The following SLC39A11 variants were observed in gnomAD, a reference collection of about 807,000 sequenced individuals.
SLC39A11 encodes the protein solute carrier family 39 member 11, also known as zinc transporter ZIP11.
SLC39A11 carries 33 observed loss-of-function variants against 36.1 expected under a neutral mutation model. The observed-to-expected ratio is 0.91, with a 90% CI of 0.69 to 1.22. The LOEUF (loss-of-function observed/expected upper bound fraction) is 1.22, where lower values mean the gene tolerates loss of function less well. Ranked by LOEUF, SLC39A11 falls within the 50% of genes most tolerant of loss-of-function variation. SLC39A11 has a pLI of 0.00. For missense variants in SLC39A11, 432 were observed against 430.3 expected (o/e 1.00, Z -0.03); for synonymous variants, 166 against 170.3 (o/e 0.97, Z 0.20).
chr17:73,054,284 C>T (rs1398357329), intron 3 of SLC39A11, among the ~76,000 whole-genome samples: 1 of 151,932 alleles, frequency 6.6e-6, no homozygotes, highest in East Asian at 1.9e-4. Context: ...ATCTCTTGAA[C>T]CCGGGAGGCG....
chr17:72,969,035 C>T (rs988800238), intron 4 of SLC39A11, among the ~76,000 whole-genome samples: 6 of 151,920 alleles, frequency 3.9e-5, no homozygotes, highest in African/African-American at 9.7e-5. Context: ...CACGATGTCC[C>T]GTGTTCTGGA....
chr17:72,798,974 A>G (rs2076991975), intron 6 of SLC39A11, among the ~76,000 whole-genome samples: 2 of 152,044 alleles, frequency 1.3e-5, no homozygotes, highest in Admixed American at 6.5e-5. Flanking sequence ...AAGGCCAAAG[A>G]TAGGGAGAAG....
chr17:72,880,337 G>C (rs774017172), intron 5 of SLC39A11, among the ~76,000 whole-genome samples: 1 of 152,150 alleles, frequency 6.6e-6, no homozygotes, highest in South Asian at 2.1e-4. Flanking sequence ...GGGAGGTTGA[G>C]GCAGATGGAT....
At chr17:72,963,408 G>A (rs1185886501) in intron 4 of SLC39A11, among the ~76,000 whole-genome samples, 1 of 151,750 alleles carries the variant, frequency 6.6e-6, no homozygotes, top group Non-Finnish European at 1.5e-5. Flanking sequence ...CTGACCTCGT[G>A]ATCCGCCCAC....
intron 7 of SLC39A11, among the ~76,000 whole-genome samples, chr17:72,674,967 A>T (rs1446085615): frequency 1.4e-4 from 1 of 7,242 alleles, no homozygotes; most frequent in Non-Finnish European, 3.5e-4. Context: ...GTTCATTGGA[A>T]AAAAAAGTGT....
intron 3 of SLC39A11, among the ~76,000 whole-genome samples, chr17:73,083,015 CAAAAAAA>C (rs34607510): frequency 3.3e-5 from 3 of 89,784 alleles, no homozygotes; most frequent in African/African-American, 4.5e-5. Flanking sequence ...GACTCCATTT[CAAAAAAA>C]AAAAAAAAAA....
At chr17:72,969,307 G>A (rs1020260851) in intron 4 of SLC39A11, among the ~76,000 whole-genome samples, 7 of 152,104 alleles carry the variant, frequency 4.6e-5, no homozygotes, top group South Asian at 2.1e-4. Context: ...TGTAATGTGC[G>A]GAGGGAGAAC....
At chr17:73,078,875 A>T (rs1026386625) in intron 3 of SLC39A11, among the ~76,000 whole-genome samples, 1 of 152,150 alleles carries the variant, frequency 6.6e-6, no homozygotes, top group African/African-American at 2.4e-5. Flanking sequence ...ATCCACTTAA[A>T]AACAGAATAC....
chr17:72,897,689 C>T (rs545909618), intron 5 of SLC39A11, among the ~76,000 whole-genome samples: 3 of 152,284 alleles, frequency 2.0e-5, no homozygotes, highest in South Asian at 2.1e-4. Flanking sequence ...GGTTTTTAGC[C>T]TCTTCCTTTT....
intron 4 of SLC39A11, among the ~76,000 whole-genome samples, chr17:72,988,445 A>G (rs2088924195): frequency 6.6e-6 from 1 of 152,236 alleles, no homozygotes; most frequent in Non-Finnish European, 1.5e-5. Context: ...TAGGTGACAG[A>G]GCGAGAACTT....
At chr17:72,818,871 T>C (rs979009375) in intron 6 of SLC39A11, 2 of 152,244 alleles carry the variant, frequency 1.3e-5, no homozygotes, top group Non-Finnish European at 2.9e-5. Context: ...CCTTTTTATT[T>C]GTACAGTGTG....
chr17:72,917,423 A>G (rs922783710), intron 5 of SLC39A11, among the ~76,000 whole-genome samples: 14 of 152,314 alleles, frequency 9.2e-5, no homozygotes, highest in East Asian at 3.9e-4. Context: ...CGAGTTGGGG[A>G]AAATCACTAG....
At chr17:73,091,880 T>C (rs1289706319) in intron 1 of SLC39A11, 1 of 152,392 alleles carries the variant, frequency 6.6e-6, no homozygotes, top group East Asian at 1.9e-4. Flanking sequence ...GTTTTCTTTA[T>C]TTCCTTTCTC....
chr17:72,917,996 CA>C (rs2147209570), intron 5 of SLC39A11, among the ~76,000 whole-genome samples: 2 of 152,318 alleles, frequency 1.3e-5, no homozygotes, highest in South Asian at 4.1e-4. Flanking sequence ...TGTTACCTGC[CA>C]GGGGCAGAAC....
At position 72,692,301 on chromosome 17, in the gene SLC39A11, G is replaced by A. The variant is rs116792381; in HGVS notation, c.672-43033C>T. Among the ~76,000 whole-genome samples, 1,160 of 152,302 alleles carry A rather than the reference G, an allele frequency of 7.6e-3. 13 individuals are homozygous for A. Among genetic ancestry groups the A allele is most frequent in the African/African-American group, 0.026 (1,101 of 41,562 alleles). On this transcript the variant is annotated intron_variant, in intron 7 of 9. Transcript: ENST00000255559. Reference sequence around the variant, plus strand: ...GCTCAGATTACAGGCGTGGGCTACCGCGCCCGACCAAAATAGCGCATTTTT... The same window carrying A: ...GCTCAGATTACAGGCGTGGGCTACCACGCCCGACCAAAATAGCGCATTTTT...
intron 6 of SLC39A11, among the ~76,000 whole-genome samples, chr17:72,737,562 C>T (rs985410106): frequency 4.6e-5 from 7 of 152,190 alleles, no homozygotes; most frequent in Admixed American, 2.6e-4. Flanking sequence ...GATGTCACTG[C>T]AGACATAGGT....
At chr17:72,951,997 C>T (rs1353782235) in intron 4 of SLC39A11, among the ~76,000 whole-genome samples, 1 of 152,104 alleles carries the variant, frequency 6.6e-6, no homozygotes, top group Non-Finnish European at 1.5e-5. Context: ...GCCCTAACTT[C>T]ACTTAGAAGC....
Position 73,083,461 on chromosome 17 carries a change from C to G in SLC39A11, c.147+1347G>C, listed in dbSNP as rs945839395. 2.6e-5 allele frequency among the ~76,000 whole-genome samples: 4 copies of G among 152,160 alleles called. No individual in the cohort carries two copies. The South Asian group carries it at 8.3e-4, about 32-fold the overall frequency. On this transcript the variant is annotated intron_variant, in intron 3 of 9. Transcript: ENST00000255559. Reference sequence around the variant, plus strand: ...GGGCTATAAAAACTGAAGAAAGAAACCAAACCCTGATCAACTAAAAGGGAA... The same window carrying G: ...GGGCTATAAAAACTGAAGAAAGAAAGCAAACCCTGATCAACTAAAAGGGAA...
At chr17:73,011,529 G>A (rs147909771) in intron 4 of SLC39A11, among the ~76,000 whole-genome samples, 1 of 152,234 alleles carries the variant, frequency 6.6e-6, no homozygotes, top group African/African-American at 2.4e-5. Flanking sequence ...GAACAGAGAG[G>A]TCACCAGGGC....
Sources: gnomAD v4.1 joint callset for allele counts (sites outside exome capture counted in the v4.1 genomes callset) on GRCh38, gnomAD v4.1.1 for gene constraint, MANE v1.5 for transcripts, NCBI Gene and HGNC (gene_info 2026-07-23, HGNC 2026-07-21) for gene names.